COLEC11: variants seen among roughly 807,000 people sequenced by gnomAD.
COLEC11 encodes the protein collectin subfamily member 11.
In COLEC11, 20 loss-of-function variants were observed where a neutral mutation model predicts 27.3. That is an observed-to-expected ratio of 0.73 (90% CI 0.51 to 1.06). The LOEUF (loss-of-function observed/expected upper bound fraction) is 1.06, where lower values mean the gene tolerates loss of function less well. COLEC11 is among the 50% of genes least tolerant of loss of function. COLEC11 has a pLI of 0.00. For synonymous variants in COLEC11, 163 were observed against 154.7 expected (o/e 1.05, Z -0.40); for missense variants, 310 against 383.0 (o/e 0.81, Z 1.59).
intron 2 of COLEC11, chr2:3,605,226 C>T (rs1234784212): frequency 1.2e-5 from 5 of 409,468 alleles, no homozygotes; most frequent in Non-Finnish European, 2.0e-5. Flanking sequence ...GTGCCAGTGT[C>T]GGGTGGCAGG....
chr2:3,643,912 G>A lies in COLEC11; in HGVS notation c.610G>A (p.Gly204Ser), dbSNP rs387907076. The change falls in exon 7 of 7, where the codon GGC (glycine) becomes AGC (serine). Residue 204 changes from glycine to serine, a missense_variant. Coordinates refer to ENST00000349077, the MANE Select transcript of COLEC11 (RefSeq NM_024027.5). ...AGCCGGCCTGGCCCGTGTCTTCATCGGCATCAACGACCTGGAGAAGGAGGG... is the reference window on the plus strand; with the variant it reads ...AGCCGGCCTGGCCCGTGTCTTCATCAGCATCAACGACCTGGAGAAGGAGGG... ...AQAGLARVFI[G>S]INDLEKEGAF... 6 of 1,613,958 alleles carry A rather than the reference G, an allele frequency of 3.7e-6. No individual in the cohort carries two copies. The highest frequency in any genetic ancestry group is 3.3e-5 in the South Asian group (3 of 91,088).
chr2:3,637,852 G>T (rs1665547630), intron 4 of COLEC11, among the ~76,000 whole-genome samples: 1 of 152,214 alleles, frequency 6.6e-6, no homozygotes, highest in Admixed American at 6.5e-5. Context: ...CCCCAGGATG[G>T]AGGGGCTGCA....
intron 3 of COLEC11, among the ~76,000 whole-genome samples, chr2:3,620,603 GT>G (rs983179345): frequency 6.6e-6 from 1 of 151,408 alleles, no homozygotes; most frequent in East Asian, 1.9e-4. Flanking sequence ...TCATTTGCTT[GT>G]TTTTTTCTAG....
At chr2:3,634,970 C>T (rs1303869239) in intron 3 of COLEC11, among the ~76,000 whole-genome samples, 2 of 152,064 alleles carry the variant, frequency 1.3e-5, no homozygotes, top group African/African-American at 4.8e-5. Flanking sequence ...CCCCGCTGCC[C>T]TTGGGTTCCT....
chr2:3,617,642 T>G, intron 3 of COLEC11: 1 of 1,612,168 alleles, frequency 6.2e-7, no homozygotes, highest in South Asian at 1.1e-5. Context: ...TTTCGACTTA[T>G]CGAATTTCTC....
intron 2 of COLEC11, among the ~76,000 whole-genome samples, chr2:3,607,444 T>G (rs1367417341): frequency 8.6e-6 from 1 of 116,316 alleles, no homozygotes; most frequent in East Asian, 2.7e-4. Context: ...TGAATTTTTT[T>G]TTTGCTTTTT....
intron 3 of COLEC11, chr2:3,617,679 A>T: frequency 6.2e-7 from 1 of 1,611,806 alleles, no homozygotes; most frequent in Non-Finnish European, 8.5e-7. Flanking sequence ...GGTTTGTCAG[A>T]CATGGTTGTG....
chr2:3,622,564 C>G (rs1452380107), intron 3 of COLEC11, among the ~76,000 whole-genome samples: 2 of 152,144 alleles, frequency 1.3e-5, no homozygotes, highest in East Asian at 3.8e-4. Flanking sequence ...GTGACTGGAT[C>G]ATGAGTTCTC....
At chr2:3,615,714 G>A (rs1663625039) in intron 3 of COLEC11, among the ~76,000 whole-genome samples, 1 of 150,038 alleles carries the variant, frequency 6.7e-6, no homozygotes, top group Admixed American at 6.6e-5. Flanking sequence ...GAAGGGGGCG[G>A]CTGGGCAGAG....
chr2:3,595,651 A>G (rs1558480423), intron 1 of COLEC11, among the ~76,000 whole-genome samples: 1 of 152,044 alleles, frequency 6.6e-6, no homozygotes, highest in Admixed American at 6.5e-5. Flanking sequence ...GAGGTGGGGG[A>G]AAGGTGGGCC....
At position 3,644,013 on chromosome 2, in the gene COLEC11, C is replaced by G; in HGVS notation, c.711C>G (p.Tyr237Ter). The change falls in exon 7 of 7, where the codon TAC becomes TAG. Residue 237 changes from tyrosine (Y) to a stop codon, truncating the protein, a stop_gained. Transcript: ENST00000349077. LOFTEE classifies it high-confidence loss of function. ...KWRSGEPNNA[Y>*]DEEDCVEMVA... ...GCAGCGGTGAGCCCAACAATGCCTA[C>G]GACGAGGAGGACTGCGTGGAGATGG... The G allele has an allele frequency of 6.2e-7, 1 of 1,614,012 alleles. No homozygotes were observed. Among genetic ancestry groups the G allele is most frequent in the Non-Finnish European group, 8.5e-7 (1 of 1,180,048 alleles).
chr2:3,597,148 C>T (rs977495180), intron 1 of COLEC11, among the ~76,000 whole-genome samples: 22 of 151,780 alleles, frequency 1.4e-4, no homozygotes, highest in Non-Finnish European at 2.6e-4. Flanking sequence ...GAAATCCCAG[C>T]CTGTGCTGCT....
At chr2:3,606,009 T>A in intron 2 of COLEC11, 1 of 1,483,258 alleles carries the variant, frequency 6.7e-7, no homozygotes, top group Non-Finnish European at 9.1e-7. Context: ...AATGTTTAAT[T>A]ATGTTGGAAG....
At chr2:3,632,955 C>T (rs752724253) in intron 3 of COLEC11, among the ~76,000 whole-genome samples, 8 of 152,196 alleles carry the variant, frequency 5.3e-5, no homozygotes, top group Non-Finnish European at 1.0e-4. Context: ...TTCACCTGAA[C>T]AAAGAGCCAA....
intron 3 of COLEC11, among the ~76,000 whole-genome samples, chr2:3,617,077 A>G (rs1014034662): frequency 1.6e-4 from 24 of 151,778 alleles, no homozygotes; most frequent in African/African-American, 5.3e-4. Flanking sequence ...TCCTTTGGCT[A>G]TGGACCCAGT....
chr2:3,640,265 T>G lies in COLEC11; in HGVS notation c.275-13T>G. 2 of 1,577,320 alleles carry G rather than the reference T, an allele frequency of 1.3e-6. No individual in the cohort carries two copies. Among genetic ancestry groups the G allele is most frequent in the Admixed American group, 1.7e-5 (1 of 59,974 alleles). On this transcript the variant is annotated splice_polypyrimidine_tract_variant and intron_variant, in intron 4 of 6. Transcript: ENST00000349077. ...CTCTGCCTGGTGACTTGGACCTTGTTTTTTATTTTCAGGTGAGAAAGGAGA... is the reference window on the plus strand; with the variant it reads ...CTCTGCCTGGTGACTTGGACCTTGTGTTTTATTTTCAGGTGAGAAAGGAGA...
At chr2:3,624,751 C>T (rs1290040583) in intron 3 of COLEC11, among the ~76,000 whole-genome samples, 1 of 152,218 alleles carries the variant, frequency 6.6e-6, no homozygotes, top group African/African-American at 2.4e-5. Context: ...GACTTCCAGA[C>T]TCCTACAAAG....
chr2:3,598,652 G>A (rs996448570), intron 1 of COLEC11, among the ~76,000 whole-genome samples: 1 of 152,204 alleles, frequency 6.6e-6, no homozygotes, highest in African/African-American at 2.4e-5. Flanking sequence ...TGAGCACAGG[G>A]GAGAAGGGTG....
At chr2:3,633,556 G>A (rs1665165996) in intron 3 of COLEC11, among the ~76,000 whole-genome samples, 1 of 152,152 alleles carries the variant, frequency 6.6e-6, no homozygotes, top group African/African-American at 2.4e-5. Flanking sequence ...GATTGTGAGG[G>A]TGCTGTGAGC....
Sources: allele counts gnomAD v4.1 joint callset (sites outside exome capture counted in the v4.1 genomes callset), GRCh38; gene constraint gnomAD v4.1.1; transcripts MANE v1.5; gene names NCBI Gene and HGNC (gene_info 2026-07-23, HGNC 2026-07-21).